The following ATG7 variants were observed in gnomAD, a reference collection of about 807,000 sequenced individuals.
ATG7 encodes the protein autophagy related 7.
A neutral mutation model predicts 82.4 loss-of-function variants in ATG7; 70 were observed. The observed-to-expected ratio is 0.85, with a 90% CI of 0.70 to 1.04. The LOEUF is 1.04. Among genes scored for constraint, ATG7 ranks in the 50% least tolerant of loss-of-function variants. The pLI, the probability that ATG7 is intolerant of heterozygous loss-of-function variation, is 0.00. For missense variants in ATG7, 792 were observed against 864.3 expected, an observed-to-expected ratio of 0.92 and a Z score of 1.05; for synonymous variants, 287 against 313.0, an observed-to-expected ratio of 0.92 and a Z score of 0.88.
intron 18 of ATG7, among the ~76,000 whole-genome samples, chr3:11,375,788 G>A (rs1027782451): frequency 1.3e-5 from 2 of 152,148 alleles, no homozygotes; most frequent in African/African-American, 4.8e-5. Flanking sequence ...TTGAATTCCC[G>A]ACCTTGTGAT....
chr3:11,331,216 C>T (rs1951595793), intron 9 of ATG7, 124 bp from the exon 10 acceptor site: 2 of 788,166 alleles, frequency 2.5e-6, no homozygotes, highest in African/African-American at 1.7e-5. Flanking sequence ...TAGCCCTTTA[C>T]CAGATGTTTA....
chr3:11,321,133 G>A (rs902454209), intron 9 of ATG7, among the ~76,000 whole-genome samples: 1 of 152,200 alleles, frequency 6.6e-6, no homozygotes, highest in South Asian at 2.1e-4. Context: ...ATCCACATGT[G>A]CACACAGTTC....
At chr3:11,461,857 T>G (rs1014546909) in intron 20 of ATG7, among the ~76,000 whole-genome samples, 1 of 151,850 alleles carries the variant, frequency 6.6e-6, no homozygotes, top group Non-Finnish European at 1.5e-5. Context: ...AAACCCTATC[T>G]TTACTAAAAA....
At chr3:11,453,751 G>A (rs940902753) in intron 20 of ATG7, among the ~76,000 whole-genome samples, 2 of 152,060 alleles carry the variant, frequency 1.3e-5, no homozygotes, top group Non-Finnish European at 2.9e-5. Context: ...TCCTGCGTCT[G>A]CCTGCATCCA....
intron 20 of ATG7, among the ~76,000 whole-genome samples, chr3:11,535,443 A>G (rs1488435503): frequency 6.6e-6 from 1 of 151,974 alleles, no homozygotes; most frequent in East Asian, 1.9e-4. Context: ...GCCCTCCCTG[A>G]GCAGGTTTGT....
At chr3:11,319,968 A>C (rs1472088209) in intron 9 of ATG7, among the ~76,000 whole-genome samples, 4 of 152,190 alleles carry the variant, frequency 2.6e-5, no homozygotes, top group Non-Finnish European at 1.5e-5. Flanking sequence ...TGTCCCTATC[A>C]TAATGAAACA....
intron 19 of ATG7, among the ~76,000 whole-genome samples, chr3:11,380,381 T>C (rs1263263841): frequency 6.6e-6 from 1 of 152,208 alleles, no homozygotes; most frequent in Non-Finnish European, 1.5e-5. Flanking sequence ...AGGACCCTCA[T>C]AGAGCAATTT....
intron 13 of ATG7, among the ~76,000 whole-genome samples, chr3:11,347,643 A>AT (rs796980959): frequency 2.0e-5 from 3 of 152,296 alleles, no homozygotes; most frequent in African/African-American, 7.2e-5. Flanking sequence ...TCCACTTGAC[A>AT]TTTTTTAGTC....
At chr3:11,340,510 GA>G (rs1172059139) in intron 11 of ATG7, 134 bp from the exon 12 acceptor site, 2 of 716,412 alleles carry the variant, frequency 2.8e-6, no homozygotes, top group East Asian at 3.2e-5. Context: ...GTCTCTTTTA[GA>G]AAGAAGCAAA....
chr3:11,517,264 C>G (rs186613534), intron 20 of ATG7, among the ~76,000 whole-genome samples: 7 of 151,810 alleles, frequency 4.6e-5, no homozygotes, highest in Admixed American at 3.3e-4. Flanking sequence ...TCGCTTGAAC[C>G]CAGGAGATGG....
chr3:11,492,488 C>T (rs1358972800), intron 20 of ATG7, among the ~76,000 whole-genome samples: 2 of 152,206 alleles, frequency 1.3e-5, no homozygotes, highest in Admixed American at 1.3e-4. Flanking sequence ...TGGCTCCAGC[C>T]CCTCCAGGAT....
chr3:11,338,020 G>C (rs1575545592), intron 11 of ATG7, among the ~76,000 whole-genome samples: 1 of 151,794 alleles, frequency 6.6e-6, no homozygotes, highest in East Asian at 1.9e-4. Flanking sequence ...AAGTAAACTT[G>C]TTTCCCAGGG....
At chr3:11,308,161 G>A (rs536427238) in intron 6 of ATG7, among the ~76,000 whole-genome samples, 6 of 152,314 alleles carry the variant, frequency 3.9e-5, no homozygotes, top group Admixed American at 3.3e-4. Context: ...GTCAGTAGCA[G>A]GAACTTACTT....
chr3:11,384,298 T>G (rs2078146810), intron 19 of ATG7, among the ~76,000 whole-genome samples: 1 of 152,216 alleles, frequency 6.6e-6, no homozygotes, highest in Non-Finnish European at 1.5e-5. Flanking sequence ...TTGTGAAGAA[T>G]CAGGCTCCAA....
intron 3 of ATG7, 138 bp from the exon 4 acceptor site, chr3:11,298,545 AAAG>A: frequency 1.3e-6 from 1 of 755,162 alleles, no homozygotes. Context: ...CACAATCCAA[AAAG>A]AAGTTGTGTT....
intron 18 of ATG7, among the ~76,000 whole-genome samples, chr3:11,374,163 C>T (rs1349280663): frequency 5.9e-5 from 9 of 152,206 alleles, no homozygotes; most frequent in African/African-American, 1.2e-4. Flanking sequence ...CGATCCTGGA[C>T]GTGAAGAACA....
intron 20 of ATG7, among the ~76,000 whole-genome samples, chr3:11,524,360 G>A (rs1186338631): frequency 6.6e-6 from 1 of 152,206 alleles, no homozygotes; most frequent in Non-Finnish European, 1.5e-5. Context: ...CCCTTCAACT[G>A]TGAAATATTA....
chr3:11,485,160 C>G (rs1295792091), intron 20 of ATG7, among the ~76,000 whole-genome samples: 2 of 152,188 alleles, frequency 1.3e-5, no homozygotes, highest in Non-Finnish European at 1.5e-5. Flanking sequence ...AGCCCCACCA[C>G]CAGTGTAAAA....
rs1575003979 is a variant in ATG7 at position 11,490,924 on chromosome 3, T to C, written c.2080-63887T>C. 2.0e-5 allele frequency among the ~76,000 whole-genome samples: 3 copies of C among 152,158 alleles called. No homozygotes were observed. The East Asian group carries it at 5.8e-4, about 29-fold the overall frequency. ...TTAACATTTTTTCCTTCATTTCAAC[T>C]TTGGTGAATCTGACAATTATGTGTC... is the stretch of plus-strand genomic sequence containing the variant. On this transcript the variant is annotated intron_variant, in intron 20 of 20. Coordinates refer to ENST00000693202, the MANE Select transcript of ATG7 (RefSeq NM_001349232.2).
Sources: gnomAD v4.1 joint callset for allele counts (sites outside exome capture counted in the v4.1 genomes callset) on GRCh38, gnomAD v4.1.1 for gene constraint, MANE v1.5 for transcripts, NCBI Gene and HGNC (gene_info 2026-07-23, HGNC 2026-07-21) for gene names.